Variants in RIN3 observed in about 807,000 individuals in gnomAD.
RIN3 encodes Ras and Rab interactor 3.
A neutral mutation model predicts 76.3 loss-of-function variants in RIN3; 54 were observed. The observed-to-expected ratio is 0.71, with a 90% CI of 0.57 to 0.89. The LOEUF is 0.89. Among genes scored for constraint, RIN3 ranks in the 40% least tolerant of loss-of-function variants. RIN3 has a pLI of 0.00. For synonymous variants in RIN3, 576 were observed against 564.0 expected (o/e 1.02, Z -0.30); for missense variants, 1,256 against 1,322.1 (o/e 0.95, Z 0.78).
chr14:92,636,024 A>G (rs1015183721), intron 4 of RIN3, among the ~76,000 whole-genome samples: 1 of 152,184 alleles, frequency 6.6e-6, no homozygotes, highest in African/African-American at 2.4e-5. Context: ...TGTCACTTAC[A>G]AGCTGTGGGA....
intron 4 of RIN3, among the ~76,000 whole-genome samples, chr14:92,622,541 G>T (rs938337723): frequency 6.6e-6 from 1 of 152,230 alleles, no homozygotes; most frequent in Non-Finnish European, 1.5e-5. Context: ...CTTCCTGCAT[G>T]CAAGGCAGAG....
intron 7 of RIN3, among the ~76,000 whole-genome samples, chr14:92,671,477 C>G (rs1047311063): frequency 9.2e-5 from 14 of 152,106 alleles, no homozygotes; most frequent in African/African-American, 3.4e-4. Context: ...AGAGTAAGCA[C>G]CAGTAACCCT....
chr14:92,666,268 G>T (rs887700263), intron 7 of RIN3, among the ~76,000 whole-genome samples: 1 of 152,220 alleles, frequency 6.6e-6, no homozygotes, highest in Admixed American at 6.5e-5. Context: ...AATAGGGCGG[G>T]CCGCTAGCAA....
At position 92,623,082 on chromosome 14, in the gene RIN3, C is replaced by T. The variant is rs561841155; in HGVS notation, c.440+7603C>T. 2.0e-5 allele frequency among the ~76,000 whole-genome samples: 3 copies of T among 152,294 alleles called. No homozygotes were observed. Among genetic ancestry groups the T allele is most frequent in the East Asian group, 3.9e-4 (2 of 5,190 alleles). On this transcript the variant is annotated intron_variant, in intron 4 of 9. Coordinates refer to ENST00000216487, the MANE Select transcript of RIN3 (RefSeq NM_024832.5). This position sits in a 1 kb window ranked among gnomAD's most constrained non-coding sequence, Gnocchi z 4.9. ...AGAATAAGCACAGCTATTGCGATTG[C>T]GAGAGAGGTAACAATAGAGGCCATG...
intron 4 of RIN3, among the ~76,000 whole-genome samples, chr14:92,616,277 T>C (rs1237427382): frequency 6.6e-6 from 1 of 152,054 alleles, no homozygotes; most frequent in Non-Finnish European, 1.5e-5. Context: ...GAAAGTACAC[T>C]CCACACGGTG....
rs555014111 is a variant in RIN3, at chr14:92,641,804, C to T, written c.532+475C>T. Among the ~76,000 whole-genome samples, 25 of 152,282 alleles carry T rather than the reference C, an allele frequency of 1.6e-4. No homozygotes were observed. The South Asian group carries it at 5.0e-3, about 30-fold the overall frequency. On this transcript the variant is annotated intron_variant, in intron 5 of 9. Transcript: ENST00000216487. Reference sequence around the variant, plus strand: ...ACACCCTACCCCACCCTTCCGAGTTCCTGAGGGGTAAAGAGGGGAGAGGAA... The same window carrying T: ...ACACCCTACCCCACCCTTCCGAGTTTCTGAGGGGTAAAGAGGGGAGAGGAA...
rs35034984 is a variant in RIN3 at position 92,648,090 on chromosome 14, CTT to C, written c.533-3477_533-3476del. ...GCTGCAGAGAAAGTTACTCATTTCC[CTT>C]TTTTTTTTTTTTTTGGAGCATAAAG... On this transcript the variant is annotated intron_variant, in intron 5 of 9. Transcript: ENST00000216487. This position sits in a 1 kb window ranked among gnomAD's most constrained non-coding sequence, Gnocchi z 4.1. 1.2e-4 allele frequency among the ~76,000 whole-genome samples: 16 copies of C among 138,786 alleles called. No individual in the cohort carries two copies. The highest frequency in any genetic ancestry group is 1.4e-4 in the Admixed American group (2 of 14,006). The allele number at this position is 138,786 out of a possible 152,430, so 91.0% of individuals were successfully genotyped here.
chr14:92,573,655 G>A (rs1423154190), intron 2 of RIN3, among the ~76,000 whole-genome samples: 1 of 152,196 alleles, frequency 6.6e-6, no homozygotes, highest in African/African-American at 2.4e-5. Context: ...CATCTCTCAG[G>A]AAATTCCATG....
chr14:92,551,642 T>C (rs1197707275), intron 1 of RIN3, among the ~76,000 whole-genome samples: 1 of 152,218 alleles, frequency 6.6e-6, no homozygotes, highest in Non-Finnish European at 1.5e-5. Flanking sequence ...TTTTAGCCAT[T>C]CTAGTGGTTG....
At chr14:92,519,719 T>G (rs1896543406) in intron 1 of RIN3, among the ~76,000 whole-genome samples, 1 of 152,132 alleles carries the variant, frequency 6.6e-6, no homozygotes, top group Admixed American at 6.5e-5. Flanking sequence ...CCTGTGCAGG[T>G]GGGGGCGGCA....
intron 7 of RIN3, among the ~76,000 whole-genome samples, chr14:92,674,300 G>C (rs1217605348): frequency 5.3e-5 from 8 of 152,106 alleles, no homozygotes; most frequent in African/African-American, 1.7e-4. Context: ...TGCCCAGGAG[G>C]GTCACTTTAG....
intron 4 of RIN3, among the ~76,000 whole-genome samples, chr14:92,626,676 T>C (rs1037197764): frequency 1.3e-5 from 2 of 151,754 alleles, no homozygotes; most frequent in Non-Finnish European, 2.9e-5. Context: ...GGAGGAATAA[T>C]AGGAGTAGCA....
At chr14:92,536,170 C>T (rs61977348) in intron 1 of RIN3, among the ~76,000 whole-genome samples, 8,027 of 152,166 alleles carry the variant, frequency 0.053, 266 homozygotes, top group Non-Finnish European at 0.075. Flanking sequence ...CAACTAATAC[C>T]CCCTCTTCAA....
chr14:92,568,890 T>A lies in RIN3; in HGVS notation c.250-8470T>A, dbSNP rs182840089. 1.3e-5 allele frequency among the ~76,000 whole-genome samples: 2 copies of A among 152,210 alleles called. No homozygotes were observed. The highest frequency in any genetic ancestry group is 3.9e-4 in the East Asian group (2 of 5,186). On this transcript the variant is annotated intron_variant, in intron 2 of 9. Coordinates refer to ENST00000216487, the MANE Select transcript of RIN3 (RefSeq NM_024832.5). The surrounding 1 kb of genome is among the most constrained non-coding windows in gnomAD (Gnocchi z 4.2). The stretch of plus-strand genomic sequence containing the variant: ...ACTTTCCAGCCCTGTCGACAAGCTG[T>A]GTAGATAACACAGCCCAACAGCGAG...
Position 92,572,877 on chromosome 14 carries a change from C to CTTTTT in RIN3, c.250-4465_250-4461dup, listed in dbSNP as rs763771909. ...TGTAGAAGGGTGACTCTTTTTTTTGCTTTTTTTTTTTTTTTTTTTTTTGAG... is the reference window on the plus strand; with the variant it reads ...TGTAGAAGGGTGACTCTTTTTTTTGCTTTTTTTTTTTTTTTTTTTTTTTTTTTGAG... On this transcript the variant is annotated intron_variant, in intron 2 of 9. Transcript: ENST00000216487. Among the ~76,000 whole-genome samples the CTTTTT allele has an allele frequency of 3.4e-4, 34 of 100,092 alleles. 1 individual carries two copies. The highest frequency in any genetic ancestry group is 4.4e-4 in the Non-Finnish European group (24 of 54,346). 65.7% of individuals were successfully genotyped at this position (100,092 alleles called of 152,430 possible). A position where few individuals can be genotyped will look rare whatever the true frequency, so the allele number is the denominator to read the frequency against.
At chr14:92,519,615 C>G (rs1896540216) in intron 1 of RIN3, among the ~76,000 whole-genome samples, 1 of 152,150 alleles carries the variant, frequency 6.6e-6, no homozygotes, top group South Asian at 2.1e-4. Flanking sequence ...GCCCTACCAA[C>G]AGAGGATGAG....
chr14:92,524,580 TG>T (rs775567525), intron 1 of RIN3, among the ~76,000 whole-genome samples: 4 of 152,194 alleles, frequency 2.6e-5, no homozygotes, highest in Admixed American at 1.3e-4. Context: ...TTTAGCTGGG[TG>T]GGCTGTCTGG....
intron 3 of RIN3, among the ~76,000 whole-genome samples, chr14:92,602,806 G>A (rs1430300130): frequency 6.6e-6 from 1 of 152,080 alleles, no homozygotes; most frequent in African/African-American, 2.4e-5. Context: ...AAAGCACTCG[G>A]GCTGATCCCC....
chr14:92,530,895 G>T (rs1288950425), intron 1 of RIN3, among the ~76,000 whole-genome samples: 1 of 151,980 alleles, frequency 6.6e-6, no homozygotes, highest in Non-Finnish European at 1.5e-5. Flanking sequence ...GAAGAACCTG[G>T]GAGGCACAGA....
Sources: allele counts gnomAD v4.1 joint callset (sites outside exome capture counted in the v4.1 genomes callset), GRCh38; gene constraint gnomAD v4.1.1; non-coding constraint Gnocchi (gnomAD v3.1); transcripts MANE v1.5; gene names NCBI Gene and HGNC (gene_info 2026-07-23, HGNC 2026-07-21).